The following KIF1B variants were observed in gnomAD, a reference collection of about 807,000 sequenced individuals.
KIF1B encodes kinesin family member 1B.
KIF1B carries 76 observed loss-of-function variants against 241.9 expected under a neutral mutation model. The ratio of observed to expected loss-of-function variants is 0.31; its 90% CI spans 0.26 to 0.38. The LOEUF (loss-of-function observed/expected upper bound fraction) is 0.38. Among genes scored for constraint, KIF1B ranks in the 10% least tolerant of loss-of-function variants. KIF1B has a pLI of 1.00. For synonymous variants in KIF1B, 750 were observed against 796.7 expected, an observed-to-expected ratio of 0.94 and a Z score of 0.99; for missense variants, 1,622 against 2,271.4, an observed-to-expected ratio of 0.71 and a Z score of 5.81.
chr1:10,227,091 A>C (rs1294320830), intron 1 of KIF1B, among the ~76,000 whole-genome samples: 1 of 128,926 alleles, frequency 7.8e-6, no homozygotes, highest in Non-Finnish European at 1.6e-5. Context: ...GCTGGAGTGC[A>C]GTGGTGCGAT....
intron 1 of KIF1B, among the ~76,000 whole-genome samples, chr1:10,217,596 C>T (rs914390295): frequency 2.6e-5 from 4 of 152,088 alleles, no homozygotes; most frequent in Non-Finnish European, 5.9e-5. Context: ...AGGTTACAGG[C>T]GTGAGCCACC....
At chr1:10,244,615 C>CTTT (rs773950544) in intron 2 of KIF1B, among the ~76,000 whole-genome samples, 15 of 103,852 alleles carry the variant, frequency 1.4e-4, no homozygotes, top group South Asian at 6.1e-4. Flanking sequence ...CCCGGCCCTC[C>CTTT]TTTTTTTTTT....
intron 3 of KIF1B, among the ~76,000 whole-genome samples, 181 bp from the exon 4 acceptor site, chr1:10,258,312 G>T (rs1224528484): frequency 1.3e-5 from 2 of 152,182 alleles, no homozygotes; most frequent in African/African-American, 4.8e-5. Flanking sequence ...GTGAGTGTGT[G>T]TGTGTGCATG....
chr1:10,276,388 G>T lies in KIF1B; in HGVS notation c.1026G>T (p.Leu342Phe). The T allele has an allele frequency of 6.2e-7, 1 of 1,613,214 alleles. No individual in the cohort carries two copies. Among genetic ancestry groups the T allele is most frequent in the South Asian group, 1.1e-5 (1 of 90,978 alleles). ...CGGATATCAACTACGATGAGACTTT[G>T]AGCACTCTGAGGTACTTTCTTTTGA... ...SPADINYDET[L>F]STLRYADRAK... Residue 342 changes from leucine to phenylalanine, a missense_variant, in exon 12 of 49, where the codon TTG (leucine) becomes TTT (phenylalanine). Around this residue, in one of 7 missense-constraint regions of KIF1B, gnomAD observed 201 missense variants for 301.2 expected, o/e 0.67. Coordinates refer to ENST00000676179, the MANE Select transcript of KIF1B (RefSeq NM_001365951.3).
At chr1:10,224,994 T>G (rs1293250055) in intron 1 of KIF1B, among the ~76,000 whole-genome samples, 1 of 152,142 alleles carries the variant, frequency 6.6e-6, no homozygotes, top group African/African-American at 2.4e-5. Flanking sequence ...CTAGATCCCT[T>G]GCATGCACAG....
chr1:10,336,914 A>G (rs188628168), intron 29 of KIF1B, among the ~76,000 whole-genome samples, 160 bp from the exon 30 acceptor site: 6 of 152,316 alleles, frequency 3.9e-5, no homozygotes, highest in Admixed American at 3.9e-4. Flanking sequence ...TATAGACTCA[A>G]TATTCATATT....
intron 2 of KIF1B, among the ~76,000 whole-genome samples, chr1:10,251,471 ACCCC>A (rs1647443241): frequency 6.6e-6 from 1 of 151,882 alleles, no homozygotes; most frequent in African/African-American, 2.4e-5. Flanking sequence ...GCGGTGGCTC[ACCCC>A]TGTAATCCCA....
chr1:10,221,877 G>A (rs1646849579), intron 1 of KIF1B, among the ~76,000 whole-genome samples: 1 of 152,054 alleles, frequency 6.6e-6, no homozygotes, highest in Non-Finnish European at 1.5e-5. Context: ...GTGCAGTGGT[G>A]CAATCTTGGC....
Position 10,326,137 on chromosome 1 carries a change from A to G in KIF1B, c.2702A>G (p.Asn901Ser). The change falls in exon 27 of 49, where the codon AAC (asparagine) becomes AGC (serine). Residue 901 changes from asparagine to serine, a missense_variant. This residue lies in a region of KIF1B where 803 missense variants were observed against 1,112.0 expected (regional missense o/e 0.72). Coordinates refer to ENST00000676179, the MANE Select transcript of KIF1B (RefSeq NM_001365951.3). The surrounding 1 kb of genome is among the most constrained non-coding windows in gnomAD (Gnocchi z 5.2). ...GSSPIFHGCV[N>S]ERLADRTPSP... ...TCCCCCATTTTCCACGGCTGTGTGA[A>G]CGAGCGCCTTGCCGACCGCACACCC... 1.2e-6 allele frequency: 2 copies of G among 1,613,994 alleles called. No homozygotes were observed. Among genetic ancestry groups the G allele is most frequent in the Non-Finnish European group, 1.7e-6 (2 of 1,179,996 alleles).
chr1:10,361,908 G>C (rs1312134370), intron 40 of KIF1B, 83 bp downstream of exon 40: 8 of 1,510,532 alleles, frequency 5.3e-6, no homozygotes, highest in Non-Finnish European at 7.3e-6. Flanking sequence ...TCGGCTTACT[G>C]TCTCACGGTT....
rs1639014759 is a variant in KIF1B, at chr1:10,381,215, GCT to G, written c.*4631_*4632del. On this transcript the variant is annotated 3_prime_UTR_variant, in exon 49 of 49. Transcript: ENST00000676179. Reference sequence around the variant, plus strand: ...TTAAGGCATCGTCTTAGACTTTGTGGCTCTAAAGTACCTGTCTGTTGAGATTT... The same window carrying G: ...TTAAGGCATCGTCTTAGACTTTGTGGCTAAAGTACCTGTCTGTTGAGATTT... 4.5e-6 allele frequency: 1 copy of G among 221,586 alleles called. No homozygotes were observed. Among genetic ancestry groups the G allele is most frequent in the African/African-American group, 2.2e-5 (1 of 44,624 alleles). 13.7% of individuals were successfully genotyped at this position (221,586 alleles called of 1,614,324 possible).
intron 27 of KIF1B, among the ~76,000 whole-genome samples, chr1:10,331,944 TAA>T (rs1651956987): frequency 1.3e-5 from 2 of 151,468 alleles, no homozygotes; most frequent in South Asian, 4.2e-4. Flanking sequence ...GCTTGAAATA[TAA>T]AGTGTTAGAG....
chr1:10,304,010 G>A lies in KIF1B; in HGVS notation c.2115+6764G>A, dbSNP rs752660393. Reference sequence around the variant, plus strand: ...CAGCAGGAGATAACAAAGCAGCTTCGTCGGCAGAATGTACCTCATAGGTTC... The same window carrying A: ...CAGCAGGAGATAACAAAGCAGCTTCATCGGCAGAATGTACCTCATAGGTTC... On this transcript the variant is annotated intron_variant, in intron 22 of 48. Coordinates refer to ENST00000676179, the MANE Select transcript of KIF1B (RefSeq NM_001365951.3). 2.2e-5 allele frequency: 36 copies of A among 1,611,326 alleles called. 1 individual carries two copies. The South Asian group carries it at 2.8e-4, about 12-fold the overall frequency.
intron 4 of KIF1B, among the ~76,000 whole-genome samples, chr1:10,259,569 C>CT (rs1368922167): frequency 6.6e-6 from 1 of 150,396 alleles, no homozygotes; most frequent in East Asian, 2.0e-4. Context: ...ATGGCGCCAT[C>CT]TTGGCTCACT....
intron 17 of KIF1B, 36 bp downstream of exon 17, chr1:10,292,158 G>T: frequency 6.4e-7 from 1 of 1,554,602 alleles, no homozygotes; most frequent in South Asian, 1.1e-5. Flanking sequence ...ATCAGACAGA[G>T]ACACTTTTTG....
In KIF1B at chr1:10,258,558, A is replaced by T. The variant is rs1369520318; in HGVS notation, c.249A>T (p.Leu83Phe). Reference protein sequence around the residue: ...VYNDIGKEMLLHAFEGYNVCI... With the variant: ...VYNDIGKEMLFHAFEGYNVCI... ...ATGACATTGGCAAGGAAATGCTCTTACACGCCTTTGAGGGATATAATGTCT... is the reference window on the plus strand; with the variant it reads ...ATGACATTGGCAAGGAAATGCTCTTTCACGCCTTTGAGGGATATAATGTCT... The change falls in exon 4 of 49, where the codon TTA becomes TTT. Residue 83 changes from leucine (L) to phenylalanine (F), a missense_variant. Around this residue, in one of 7 missense-constraint regions of KIF1B, gnomAD observed 156 missense variants for 244.8 expected, o/e 0.64. Coordinates refer to ENST00000676179, the MANE Select transcript of KIF1B (RefSeq NM_001365951.3). 6.2e-7 allele frequency: 1 copy of T among 1,614,182 alleles called. No individual in the cohort carries two copies. Among genetic ancestry groups the T allele is most frequent in the East Asian group, 2.2e-5 (1 of 44,880 alleles).
At chr1:10,241,395 T>C (rs1308863521) in intron 2 of KIF1B, among the ~76,000 whole-genome samples, 2 of 152,192 alleles carry the variant, frequency 1.3e-5, no homozygotes, top group African/African-American at 4.8e-5. Context: ...TGAGCCACCA[T>C]GCCAAGCCTG....
chr1:10,238,640 G>C (rs1647090388), intron 2 of KIF1B, among the ~76,000 whole-genome samples: 2 of 152,042 alleles, frequency 1.3e-5, no homozygotes, highest in South Asian at 2.1e-4. Context: ...GGGAGGTGGA[G>C]GTTGCAGTGA....
chr1:10,289,776 C>T (rs1649896354), intron 15 of KIF1B, among the ~76,000 whole-genome samples: 1 of 152,130 alleles, frequency 6.6e-6, no homozygotes, highest in Non-Finnish European at 1.5e-5. Context: ...GCCAGCTACT[C>T]AGGAGGCTGG....
Sources: allele counts gnomAD v4.1 joint callset (sites outside exome capture counted in the v4.1 genomes callset), GRCh38; gene constraint gnomAD v4.1.1; regional missense constraint gnomAD v4.1.1; non-coding constraint Gnocchi (gnomAD v3.1); transcripts MANE v1.5; gene names NCBI Gene and HGNC (gene_info 2026-07-23, HGNC 2026-07-21).